The following CATSPERE variants were observed in gnomAD, a reference collection of about 807,000 sequenced individuals.
CATSPERE encodes the protein cation channel sperm-associated auxiliary subunit epsilon.
In CATSPERE, 93 loss-of-function variants were observed where a neutral mutation model predicts 114.1. That is an observed-to-expected ratio of 0.81 (90% confidence interval 0.69 to 0.97). CATSPERE has a LOEUF of 0.97. CATSPERE is among the 50% of genes least tolerant of loss of function. CATSPERE has a pLI of 0.00. For missense variants in CATSPERE, 1,058 were observed against 1,131.6 expected, an observed-to-expected ratio of 0.93 and a Z score of 0.93; for synonymous variants, 341 against 384.1, an observed-to-expected ratio of 0.89 and a Z score of 1.31.
intron 8 of CATSPERE, among the ~76,000 whole-genome samples, chr1:244,536,256 A>T (rs1341452883): frequency 2.0e-5 from 3 of 151,886 alleles, no homozygotes; most frequent in African/African-American, 7.3e-5. Flanking sequence ...TCCATTAGCT[A>T]CCCAGGGTAG....
chr1:244,475,739 G>A (rs1669238009), intron 2 of CATSPERE, among the ~76,000 whole-genome samples: 1 of 151,332 alleles, frequency 6.6e-6, no homozygotes, highest in Non-Finnish European at 1.5e-5. Context: ...GTTTCACCAT[G>A]TTGGCCAGGA....
At position 244,575,458 on chromosome 1, in the gene CATSPERE, G is replaced by A. The variant is rs1003409204; in HGVS notation, c.1950+2686G>A. ...TTTCCTGCTCAGCTCTAACTTGCAG[G>A]CGTCCATGGCCAGCTGTCCTCCGAG... On this transcript the variant is annotated intron_variant, in intron 11 of 21. Transcript: ENST00000366534. This position sits in a 1 kb window ranked among gnomAD's most constrained non-coding sequence, Gnocchi z 4.5. 2.0e-5 allele frequency among the ~76,000 whole-genome samples: 3 copies of A among 152,208 alleles called. No homozygotes were observed. Among genetic ancestry groups the A allele is most frequent in the African/African-American group, 7.2e-5 (3 of 41,458 alleles).
At chr1:244,537,061 C>G (rs1018128679) in intron 8 of CATSPERE, among the ~76,000 whole-genome samples, 1 of 152,146 alleles carries the variant, frequency 6.6e-6, no homozygotes, top group African/African-American at 2.4e-5. Context: ...TGTTAGCTAG[C>G]ATTTCCAGTG....
chr1:244,611,512 T>C (rs773414737), intron 19 of CATSPERE, among the ~76,000 whole-genome samples: 1 of 152,066 alleles, frequency 6.6e-6, no homozygotes, highest in Non-Finnish European at 1.5e-5. Context: ...GGAGGATCAC[T>C]TGAGCCCCGA....
Position 244,464,063 on chromosome 1 carries a change from C to A in CATSPERE, c.114+107C>A, listed in dbSNP as rs529934511. 2.3e-5 allele frequency: 19 copies of A among 821,946 alleles called. No homozygotes were observed. In the East Asian group the frequency reaches 4.9e-4, roughly 21 times the overall value. The allele number at this position is 821,946 out of a possible 1,614,324, so 50.9% of individuals were successfully genotyped here. On this transcript the variant is annotated intron_variant, in intron 2 of 21. Coordinates refer to ENST00000366534, the MANE Select transcript of CATSPERE (RefSeq NM_001130957.2). ...GAGTTTTACAGTCATTGTCACTCTTCTGTTTCGTTTCTTTCATCCGGTGTA... is the reference window on the plus strand; with the variant it reads ...GAGTTTTACAGTCATTGTCACTCTTATGTTTCGTTTCTTTCATCCGGTGTA...
chr1:244,612,592 T>G (rs1355935512), intron 19 of CATSPERE, among the ~76,000 whole-genome samples: 1 of 152,202 alleles, frequency 6.6e-6, no homozygotes, highest in African/African-American at 2.4e-5. Context: ...TTTCTCGATG[T>G]GGCTGAAAAT....
At chr1:244,475,021 A>G (rs1205902301) in intron 2 of CATSPERE, among the ~76,000 whole-genome samples, 1 of 152,032 alleles carries the variant, frequency 6.6e-6, no homozygotes, top group Admixed American at 6.6e-5. Flanking sequence ...TTTGGGGACT[A>G]TCCTAATTGT....
At chr1:244,580,977 G>A (rs1666086967) in intron 11 of CATSPERE, among the ~76,000 whole-genome samples, 1 of 151,854 alleles carries the variant, frequency 6.6e-6, no homozygotes, top group Non-Finnish European at 1.5e-5. Context: ...CTTCAGCCTG[G>A]GCGACAAGAG....
At chr1:244,559,425 A>T (rs373832243) in intron 9 of CATSPERE, among the ~76,000 whole-genome samples, 6 of 152,348 alleles carry the variant, frequency 3.9e-5, no homozygotes, top group Admixed American at 1.3e-4. Context: ...GGACAACAAG[A>T]TGTTTTCAAA....
intron 19 of CATSPERE, chr1:244,610,544 G>T (rs1317536259): frequency 4.6e-6 from 3 of 652,784 alleles, no homozygotes; most frequent in Middle Eastern, 4.0e-4. Context: ...AATTTTCACT[G>T]CTGTAAATAT....
intron 9 of CATSPERE, among the ~76,000 whole-genome samples, chr1:244,553,600 A>ATACACAC (rs775040459): frequency 6.1e-5 from 2 of 32,596 alleles, no homozygotes; most frequent in Non-Finnish European, 1.2e-4. Flanking sequence ...AAAAAAAAAA[A>ATACACAC]ATACACACAC....
At chr1:244,584,540 A>ATATTATATTATATTATATTATAT (rs548449574) in intron 13 of CATSPERE, among the ~76,000 whole-genome samples, 2,213 of 118,860 alleles carry the variant, frequency 0.019, 63 homozygotes, top group African/African-American at 0.065. Context: ...TTACTATATT[A>ATATTATATTATATTATATTATAT]TATATTATAT....
chr1:244,617,403 CA>C, intron 19 of CATSPERE, 125 bp from the exon 20 acceptor site: 1 of 688,382 alleles, frequency 1.5e-6, no homozygotes, highest in Non-Finnish European at 2.3e-6. Context: ...AAGAGCACTG[CA>C]GGGGTAAAAT....
chr1:244,532,086 T>C (rs1679702089), intron 8 of CATSPERE, among the ~76,000 whole-genome samples: 1 of 152,312 alleles, frequency 6.6e-6, no homozygotes, highest in Admixed American at 6.5e-5. Context: ...TGTATCCATT[T>C]CTTCTAGGAT....
intron 9 of CATSPERE, among the ~76,000 whole-genome samples, chr1:244,556,041 T>C (rs1481782242): frequency 6.6e-6 from 1 of 151,878 alleles, no homozygotes; most frequent in Admixed American, 6.6e-5. Context: ...AATAAAAAAT[T>C]TAAAAAGTTA....
At chr1:244,451,615 G>A, upstream of CATSPERE, 1 of 1,597,556 alleles carries the variant, frequency 6.3e-7, no homozygotes, top group Non-Finnish European at 8.5e-7. This position sits in a 1 kb window ranked among gnomAD's most constrained non-coding sequence, Gnocchi z 6.6. Flanking sequence ...GGCTTCCCAT[G>A]AGAGGCCCCG....
intron 8 of CATSPERE, among the ~76,000 whole-genome samples, chr1:244,526,865 G>A (rs1187034494): frequency 1.3e-5 from 2 of 152,018 alleles, no homozygotes; most frequent in South Asian, 2.1e-4. Context: ...CTGGGTATCC[G>A]GGGGAGACAT....
chr1:244,616,446 G>A (rs1019440804), intron 19 of CATSPERE, among the ~76,000 whole-genome samples: 7 of 152,264 alleles, frequency 4.6e-5, no homozygotes, highest in African/African-American at 1.7e-4. Flanking sequence ...CCAGAGGCTG[G>A]GTAATCTATA....
At chr1:244,627,118 T>G (rs538697274) in intron 20 of CATSPERE, among the ~76,000 whole-genome samples, 1 of 152,262 alleles carries the variant, frequency 6.6e-6, no homozygotes, top group Non-Finnish European at 1.5e-5. Context: ...CTAACTTCAA[T>G]ATTGCCGTGT....
Sources: allele counts gnomAD v4.1 joint callset (sites outside exome capture counted in the v4.1 genomes callset), GRCh38; gene constraint gnomAD v4.1.1; non-coding constraint Gnocchi (gnomAD v3.1); transcripts MANE v1.5; gene names NCBI Gene and HGNC (gene_info 2026-07-23, HGNC 2026-07-21).